OR2L13: variants seen among roughly 807,000 people sequenced by gnomAD.
OR2L13 encodes olfactory receptor 2L13.
Under a neutral mutation model 15.3 loss-of-function variants are expected in OR2L13, and 14 were observed. That is an observed-to-expected ratio of 0.91 (90% CI 0.60 to 1.43). OR2L13 has a LOEUF of 1.43. Ranked by LOEUF, OR2L13 falls within the 40% of genes most tolerant of loss-of-function variation. OR2L13 has a pLI of 0.00. For missense variants in OR2L13, 367 were observed against 387.9 expected (o/e 0.95, Z 0.45); for synonymous variants, 152 against 142.9 (o/e 1.06, Z -0.45).
the OR2L13 span, among the ~76,000 whole-genome samples, chr1:247,948,325 T>G: frequency 6.6e-6 from 1 of 152,232 alleles, no homozygotes; most frequent in South Asian, 2.1e-4. Flanking sequence ...TGACTTTCTA[T>G]GCATAGGTAT....
chr1:248,052,543 A>G, the OR2L13 span, among the ~76,000 whole-genome samples: 3 of 152,120 alleles, frequency 2.0e-5, no homozygotes, highest in African/African-American at 7.2e-5. Flanking sequence ...GCTGGCTAAC[A>G]TGGTGAAACC....
At chr1:248,054,246 T>A in the OR2L13 span, among the ~76,000 whole-genome samples, 26 of 152,280 alleles carry the variant, frequency 1.7e-4, no homozygotes, top group Admixed American at 5.2e-4. Context: ...TTTTTCCAGT[T>A]TGTTGAAGAT....
At chr1:247,941,587 A>G in the OR2L13 span, among the ~76,000 whole-genome samples, 1 of 152,174 alleles carries the variant, frequency 6.6e-6, no homozygotes, top group Non-Finnish European at 1.5e-5. Context: ...AATTAAACCA[A>G]CAAATTCCTG....
chr1:247,957,628 T>C, the OR2L13 span, among the ~76,000 whole-genome samples: 1 of 152,186 alleles, frequency 6.6e-6, no homozygotes, highest in Admixed American at 6.5e-5. Flanking sequence ...GAGCCTGTTA[T>C]TGGTCTATTC....
chr1:247,944,183 A>T, the OR2L13 span, among the ~76,000 whole-genome samples: 1 of 152,138 alleles, frequency 6.6e-6, no homozygotes, highest in Non-Finnish European at 1.5e-5. Context: ...TTTAAGATTC[A>T]TATAAATTTT....
At chr1:248,059,275 A>G in the OR2L13 span, among the ~76,000 whole-genome samples, 1 of 152,202 alleles carries the variant, frequency 6.6e-6, no homozygotes, top group African/African-American at 2.4e-5. Flanking sequence ...TTTTAGGCAT[A>G]CTGTGCAAAG....
intron 2 of OR2L13, among the ~76,000 whole-genome samples, chr1:248,099,084 C>T (rs944266809): frequency 1.3e-5 from 2 of 152,144 alleles, no homozygotes; most frequent in Non-Finnish European, 2.9e-5. Flanking sequence ...TGTTCTACTG[C>T]TCACACTGGC....
the OR2L13 span, among the ~76,000 whole-genome samples, chr1:247,960,808 A>T: frequency 6.6e-6 from 1 of 152,188 alleles, no homozygotes; most frequent in Non-Finnish European, 1.5e-5. Context: ...TTAGGGTGGG[A>T]GTGACCCGAT....
the OR2L13 span, among the ~76,000 whole-genome samples, chr1:247,960,257 T>C: frequency 5.9e-5 from 9 of 152,260 alleles, no homozygotes; most frequent in South Asian, 4.1e-4. Flanking sequence ...GAACAGCGGA[T>C]ATTGGTGAAC....
the OR2L13 span, among the ~76,000 whole-genome samples, chr1:248,017,033 T>A: frequency 6.6e-6 from 1 of 152,226 alleles, no homozygotes; most frequent in Non-Finnish European, 1.5e-5. Context: ...TCATGTATGA[T>A]GCCTCCCGGG....
chr1:248,073,586 C>A, the OR2L13 span, among the ~76,000 whole-genome samples: 24 of 151,528 alleles, frequency 1.6e-4, no homozygotes, highest in African/African-American at 5.8e-4. Context: ...TGTAACTAAC[C>A]TGCACATTGT....
chr1:248,038,963 G>T, the OR2L13 span: 2 of 1,614,048 alleles, frequency 1.2e-6, no homozygotes, highest in Non-Finnish European at 1.7e-6. Flanking sequence ...CTGCAGAAGG[G>T]AGGAAGAAGG....
the OR2L13 span, among the ~76,000 whole-genome samples, chr1:248,012,308 T>C: frequency 4.6e-3 from 704 of 152,266 alleles, 6 homozygotes; most frequent in African/African-American, 0.016. Flanking sequence ...GGTGGTCCCC[T>C]GAAGATGATT....
the OR2L13 span, among the ~76,000 whole-genome samples, chr1:247,989,402 A>G: frequency 2.6e-5 from 4 of 152,182 alleles, no homozygotes; most frequent in African/African-American, 9.7e-5. Context: ...TGGATCCATA[A>G]CATATGCATA....
chr1:248,047,311 T>C, the OR2L13 span, among the ~76,000 whole-genome samples: 1 of 152,002 alleles, frequency 6.6e-6, no homozygotes, highest in African/African-American at 2.4e-5. Flanking sequence ...ATTATAATCT[T>C]ATTGCTACTT....
At chr1:248,018,072 G>A in the OR2L13 span, among the ~76,000 whole-genome samples, 448 of 151,224 alleles carry the variant, frequency 3.0e-3, 7 homozygotes, top group African/African-American at 0.01. Flanking sequence ...GGAGAATGGC[G>A]TGAACCCGGG....
chr1:248,070,120 C>A, the OR2L13 span, among the ~76,000 whole-genome samples: 8 of 152,154 alleles, frequency 5.3e-5, no homozygotes, highest in African/African-American at 1.7e-4. Context: ...CTGGACCAAG[C>A]AGACCTAATA....
the OR2L13 span, chr1:248,061,720 A>C: frequency 8.9e-7 from 1 of 1,124,540 alleles, no homozygotes; most frequent in South Asian, 1.8e-5. Flanking sequence ...AGGAGCTAAA[A>C]GTAATCAAGG....
chr1:247,970,451 T>C, the OR2L13 span, among the ~76,000 whole-genome samples: 1 of 152,158 alleles, frequency 6.6e-6, no homozygotes, highest in African/African-American at 2.4e-5. Context: ...TTGTTATGCA[T>C]CATGAAGAAT....
Sources: allele counts gnomAD v4.1 joint callset (sites outside exome capture counted in the v4.1 genomes callset), GRCh38; gene constraint gnomAD v4.1.1; transcripts MANE v1.5; gene names NCBI Gene and HGNC (gene_info 2026-07-23, HGNC 2026-07-21).